The following IQCM variants were observed in gnomAD, a reference collection of about 807,000 sequenced individuals.
The protein encoded by IQCM is IQ domain-containing protein M.
IQCM carries 45 observed loss-of-function variants against 57.6 expected under a neutral mutation model. That is an observed-to-expected ratio of 0.78 (90% CI 0.62 to 1.00). IQCM has a LOEUF of 1.00. Among genes scored for constraint, IQCM ranks in the 50% least tolerant of loss-of-function variants. The pLI, the probability that IQCM is intolerant of heterozygous loss-of-function variation, is 0.00. For missense variants in IQCM, 468 were observed against 511.6 expected (o/e 0.91, Z 0.82); for synonymous variants, 148 against 158.9 (o/e 0.93, Z 0.51).
intron 12 of IQCM, among the ~76,000 whole-genome samples, chr4:149,510,723 T>C (rs1339421853): frequency 6.6e-6 from 1 of 152,326 alleles, no homozygotes; most frequent in East Asian, 1.9e-4. Flanking sequence ...AAGTATTTCA[T>C]AAAATGACCC....
chr4:149,389,723 G>T (rs1021502801), intron 13 of IQCM, among the ~76,000 whole-genome samples: 17 of 132,008 alleles, frequency 1.3e-4, no homozygotes, highest in Non-Finnish European at 2.4e-4. Flanking sequence ...TGGGGGCGGG[G>T]GGAGGGATAG....
intron 12 of IQCM, among the ~76,000 whole-genome samples, chr4:149,515,202 G>A (rs181688227): frequency 6.6e-6 from 1 of 151,514 alleles, no homozygotes; most frequent in African/African-American, 2.4e-5. Context: ...CTTTTTTTGA[G>A]AGGCAGCTCT....
At chr4:149,549,279 G>T (rs1748772446) in intron 11 of IQCM, among the ~76,000 whole-genome samples, 1 of 152,126 alleles carries the variant, frequency 6.6e-6, no homozygotes, top group Non-Finnish European at 1.5e-5. Flanking sequence ...ACTTTGGGAG[G>T]CCGAGGCGGG....
intron 12 of IQCM, among the ~76,000 whole-genome samples, chr4:149,483,879 C>T (rs202034770): frequency 3.3e-5 from 5 of 151,836 alleles, no homozygotes; most frequent in African/African-American, 1.2e-4. Context: ...TTGAGGTCTC[C>T]AGCTGTTATT....
intron 2 of IQCM, among the ~76,000 whole-genome samples, chr4:149,762,481 T>G (rs918287129): frequency 6.6e-6 from 1 of 151,970 alleles, no homozygotes; most frequent in African/African-American, 2.4e-5. Context: ...AGTTTTAAAG[T>G]AATGAACAGA....
At chr4:149,471,507 AGATG>A (rs1487593085) in intron 12 of IQCM, among the ~76,000 whole-genome samples, 1 of 152,212 alleles carries the variant, frequency 6.6e-6, no homozygotes, top group Non-Finnish European at 1.5e-5. Context: ...GTCCAGGCCC[AGATG>A]GATTCACAGC....
At chr4:149,419,160 C>CA (rs1292488251) in intron 13 of IQCM, among the ~76,000 whole-genome samples, 2 of 151,760 alleles carry the variant, frequency 1.3e-5, no homozygotes, top group Admixed American at 6.6e-5. Flanking sequence ...CATATGGAAC[C>CA]AAAAAAAGAG....
At chr4:149,519,792 C>T (rs541751555) in intron 12 of IQCM, among the ~76,000 whole-genome samples, 21 of 151,936 alleles carry the variant, frequency 1.4e-4, no homozygotes, top group Admixed American at 2.6e-4. Flanking sequence ...ATCACGAGGT[C>T]AGGAGATCAA....
At chr4:149,469,025 A>G (rs1206848273) in intron 12 of IQCM, among the ~76,000 whole-genome samples, 1 of 152,232 alleles carries the variant, frequency 6.6e-6, no homozygotes, top group African/African-American at 2.4e-5. Flanking sequence ...ATGGGGAGAA[A>G]TGAGAGCAGT....
intron 13 of IQCM, among the ~76,000 whole-genome samples, chr4:149,365,012 G>C (rs2110939838): frequency 6.6e-6 from 1 of 152,084 alleles, no homozygotes; most frequent in East Asian, 1.9e-4. Context: ...ACAAATATGG[G>C]TTCATATTCA....
intron 7 of IQCM, among the ~76,000 whole-genome samples, chr4:149,660,247 G>A (rs1007516509): frequency 3.6e-4 from 54 of 151,776 alleles, no homozygotes; most frequent in Admixed American, 3.2e-3. Flanking sequence ...ACCATCACTG[G>A]CCATCAGAGA....
chr4:149,551,800 C>A (rs1318872586), intron 11 of IQCM, among the ~76,000 whole-genome samples: 1 of 152,112 alleles, frequency 6.6e-6, no homozygotes, highest in Non-Finnish European at 1.5e-5. Flanking sequence ...ATCTGACTCT[C>A]ACTCTCTCTC....
Position 149,686,357 on chromosome 4 carries a change from G to A in IQCM, c.476+21C>T, listed in dbSNP as rs1025444294. On this transcript the variant is annotated intron_variant, in intron 6 of 13. Coordinates refer to ENST00000636793, the MANE Select transcript of IQCM (RefSeq NM_001363507.2). ...TAGAAGAAAATATATATTTTCTATA[G>A]GTTAGCTAATTATACATTACCTGGA... 10 of 1,073,174 alleles carry A rather than the reference G, an allele frequency of 9.3e-6. No homozygotes were observed. The Middle Eastern group carries it at 1.0e-3, about 110-fold the overall frequency. 66.5% of individuals were successfully genotyped at this position (1,073,174 alleles called of 1,614,324 possible).
At chr4:149,373,341 G>A (rs1057416219) in intron 13 of IQCM, among the ~76,000 whole-genome samples, 5 of 152,148 alleles carry the variant, frequency 3.3e-5, no homozygotes, top group Admixed American at 2.0e-4. Flanking sequence ...TAGTGTAAGT[G>A]GGGTGTCTGA....
At chr4:149,774,924 A>G (rs907366768) in intron 2 of IQCM, among the ~76,000 whole-genome samples, 5 of 149,610 alleles carry the variant, frequency 3.3e-5, no homozygotes, top group Admixed American at 6.8e-5. Context: ...TTAGACATTT[A>G]TTTTTTTCAC....
rs774160343 is a variant in IQCM at position 149,616,958 on chromosome 4, C to CT, written c.681+4170dup. ...CATGTTCTGCACATATATCCTGGAA[C>CT]TTTTTTTTTTTTTTTTGAGATGGGG... On this transcript the variant is annotated intron_variant, in intron 8 of 13. Transcript: ENST00000636793. Among the ~76,000 whole-genome samples, 557 of 140,758 alleles carry CT rather than the reference C, an allele frequency of 4.0e-3. 5 individuals are homozygous for CT. Among genetic ancestry groups the CT allele is most frequent in the South Asian group, 0.017 (73 of 4,346 alleles). 92.3% of individuals were successfully genotyped at this position (140,758 alleles called of 152,430 possible).
chr4:149,555,533 C>A (rs1307138225), intron 10 of IQCM, among the ~76,000 whole-genome samples: 1 of 152,160 alleles, frequency 6.6e-6, no homozygotes. Flanking sequence ...CAGGAACACC[C>A]AGGATTCAGT....
intron 7 of IQCM, among the ~76,000 whole-genome samples, chr4:149,647,235 A>G (rs75538005): frequency 0.022 from 3,409 of 152,220 alleles, 102 homozygotes; most frequent in South Asian, 0.15. Context: ...ACCTTAACTT[A>G]TATGTTAATG....
intron 2 of IQCM, among the ~76,000 whole-genome samples, chr4:149,762,587 C>T (rs1769637264): frequency 6.6e-6 from 1 of 152,060 alleles, no homozygotes; most frequent in African/African-American, 2.4e-5. Flanking sequence ...GCATTGTGAT[C>T]TCCTAGGCTC....
Sources: gnomAD v4.1 joint callset for allele counts (sites outside exome capture counted in the v4.1 genomes callset) on GRCh38, gnomAD v4.1.1 for gene constraint, MANE v1.5 for transcripts, NCBI Gene and HGNC (gene_info 2026-07-23, HGNC 2026-07-21) for gene names.